Variants in C1orf87 observed in about 807,000 individuals in gnomAD.
C1orf87 encodes the protein chromosome 1 open reading frame 87.
Under a neutral mutation model 60.5 loss-of-function variants are expected in C1orf87, and 58 were observed. The observed-to-expected ratio is 0.96, with a 90% CI of 0.78 to 1.19. The LOEUF is 1.19. Ranked by LOEUF, C1orf87 falls within the 50% of genes most tolerant of loss-of-function variation. The pLI, the probability that C1orf87 is intolerant of heterozygous loss-of-function variation, is 0.00. For synonymous variants in C1orf87, 236 were observed against 227.4 expected (o/e 1.04, Z -0.34); for missense variants, 673 against 638.6 (o/e 1.05, Z -0.58).
At chr1:60,002,755 T>A (rs925362781) in intron 9 of C1orf87, among the ~76,000 whole-genome samples, 2 of 152,010 alleles carry the variant, frequency 1.3e-5, no homozygotes, top group African/African-American at 4.8e-5. Flanking sequence ...GAAATGCAAA[T>A]CAAAACCACA....
At chr1:59,999,093 C>T (rs1331475602) in intron 10 of C1orf87, among the ~76,000 whole-genome samples, 3 of 152,082 alleles carry the variant, frequency 2.0e-5, no homozygotes, top group Non-Finnish European at 2.9e-5. Context: ...TCAAACTTCT[C>T]GTATATAAGC....
intron 5 of C1orf87, among the ~76,000 whole-genome samples, chr1:60,038,843 C>T (rs1645297398): frequency 6.6e-6 from 1 of 152,124 alleles, no homozygotes; most frequent in South Asian, 2.1e-4. Flanking sequence ...AAGCTGGATG[C>T]CATCCTAGGG....
At chr1:60,032,779 C>T (rs1401906144) in intron 7 of C1orf87, among the ~76,000 whole-genome samples, 2 of 152,048 alleles carry the variant, frequency 1.3e-5, no homozygotes, top group Non-Finnish European at 2.9e-5. Context: ...ATTATAAGGA[C>T]TACCTAGATT....
chr1:59,993,979 G>C (rs566127996), intron 11 of C1orf87, among the ~76,000 whole-genome samples: 1 of 152,002 alleles, frequency 6.6e-6, no homozygotes, highest in Non-Finnish European at 1.5e-5. Flanking sequence ...GGCTGGTCTC[G>C]AACTCCTGAC....
chr1:60,038,637 C>T (rs1396922885), intron 5 of C1orf87, among the ~76,000 whole-genome samples: 1 of 152,068 alleles, frequency 6.6e-6, no homozygotes, highest in Non-Finnish European at 1.5e-5. Flanking sequence ...ACCGCTGCCC[C>T]CACTCTCTCT....
chr1:60,023,319 A>G (rs1327980494), intron 8 of C1orf87, among the ~76,000 whole-genome samples: 1 of 152,036 alleles, frequency 6.6e-6, no homozygotes, highest in Non-Finnish European at 1.5e-5. Flanking sequence ...CTGAGATTCC[A>G]ATTTCCCATG....
intron 8 of C1orf87, among the ~76,000 whole-genome samples, chr1:60,020,110 T>A (rs1022856367): frequency 2.6e-5 from 4 of 152,136 alleles, no homozygotes; most frequent in Non-Finnish European, 5.9e-5. Flanking sequence ...ATTTCAGAGA[T>A]CCTGGCAGCT....
intron 2 of C1orf87, among the ~76,000 whole-genome samples, chr1:60,061,999 T>A (rs1049906618): frequency 3.3e-5 from 5 of 152,086 alleles, no homozygotes; most frequent in Non-Finnish European, 7.4e-5. Context: ...TTTGGGCCAA[T>A]GGGTAGCCCT....
chr1:60,040,573 A>G (rs906999546), intron 4 of C1orf87, among the ~76,000 whole-genome samples: 13 of 152,170 alleles, frequency 8.5e-5, no homozygotes, highest in African/African-American at 2.9e-4. Flanking sequence ...GACTGAGTTA[A>G]CTGGGAGCAT....
Position 60,067,110 on chromosome 1 carries a change from C to A in C1orf87, c.107+5427G>T, listed in dbSNP as rs996994391. Reference sequence around the variant, plus strand: ...GCATTTGAGTTGGTTCCAAGTCTTGCTATTGTGAACAGTGCTGCAATAAAC... The same window carrying A: ...GCATTTGAGTTGGTTCCAAGTCTTGATATTGTGAACAGTGCTGCAATAAAC... On this transcript the variant is annotated intron_variant, in intron 2 of 11. Coordinates refer to ENST00000371201, the MANE Select transcript of C1orf87 (RefSeq NM_152377.3). Among the ~76,000 whole-genome samples the A allele has an allele frequency of 3.9e-5, 6 of 152,230 alleles. No homozygotes were observed. The East Asian group carries it at 5.8e-4, about 15-fold the overall frequency.
intron 9 of C1orf87, among the ~76,000 whole-genome samples, chr1:60,005,933 T>A (rs1488121167): frequency 6.6e-6 from 1 of 151,806 alleles, no homozygotes; most frequent in Non-Finnish European, 1.5e-5. Context: ...TTGGACTGAC[T>A]CTCCAGTTCC....
chr1:60,042,808 A>G (rs1199405709), intron 3 of C1orf87, among the ~76,000 whole-genome samples: 1 of 152,232 alleles, frequency 6.6e-6, no homozygotes, highest in Non-Finnish European at 1.5e-5. Flanking sequence ...TACAGTGATA[A>G]AAACAGACTC....
intron 3 of C1orf87, 42 bp downstream of exon 3, chr1:60,055,162 A>G (rs1557477675): frequency 3.4e-6 from 5 of 1,485,032 alleles, no homozygotes; most frequent in Non-Finnish European, 4.7e-6. Context: ...ATATTTTCCT[A>G]ATAAATTATC....
chr1:60,066,458 C>T (rs1645546531), intron 2 of C1orf87, among the ~76,000 whole-genome samples: 1 of 152,168 alleles, frequency 6.6e-6, no homozygotes, highest in Non-Finnish European at 1.5e-5. Flanking sequence ...CTATAAGAAG[C>T]AACTCCTCAT....
intron 8 of C1orf87, among the ~76,000 whole-genome samples, chr1:60,022,106 T>C (rs1418500108): frequency 9.7e-6 from 1 of 103,354 alleles, no homozygotes; most frequent in Admixed American, 1.2e-4. Flanking sequence ...ATAGAGGACT[T>C]TGATTTTTTT....
chr1:60,040,648 G>A (rs565410908), intron 4 of C1orf87, among the ~76,000 whole-genome samples: 11 of 152,200 alleles, frequency 7.2e-5, no homozygotes, highest in African/African-American at 2.2e-4. Flanking sequence ...TGAGGAGTTC[G>A]GTTGAAATTT....
intron 11 of C1orf87, among the ~76,000 whole-genome samples, chr1:59,995,041 G>A (rs1332877037): frequency 6.6e-6 from 1 of 152,150 alleles, no homozygotes; most frequent in African/African-American, 2.4e-5. Context: ...AGAGAAAACA[G>A]GCATAAATAG....
At chr1:60,022,618 G>A (rs1019337919) in intron 8 of C1orf87, among the ~76,000 whole-genome samples, 9 of 151,996 alleles carry the variant, frequency 5.9e-5, no homozygotes, top group African/African-American at 1.2e-4. Context: ...AAATAGATTT[G>A]TTCTTTCTGT....
chr1:60,070,290 C>T (rs748944372), intron 2 of C1orf87, among the ~76,000 whole-genome samples: 39 of 152,194 alleles, frequency 2.6e-4, no homozygotes, highest in South Asian at 8.3e-4. Context: ...CAGAAGATTT[C>T]TCTTTTTCTA....
Sources: gnomAD v4.1 joint callset for allele counts (sites outside exome capture counted in the v4.1 genomes callset) on GRCh38, gnomAD v4.1.1 for gene constraint, MANE v1.5 for transcripts, NCBI Gene and HGNC (gene_info 2026-07-23, HGNC 2026-07-21) for gene names.